The following SGCZ variants were observed in gnomAD, a reference collection of about 807,000 sequenced individuals.
The protein encoded by SGCZ is zeta-sarcoglycan.
In SGCZ, 40 loss-of-function variants were observed where a neutral mutation model predicts 41.3. The ratio of observed to expected loss-of-function variants is 0.97; its 90% CI spans 0.75 to 1.26. The LOEUF is 1.26. Ranked by LOEUF, SGCZ falls within the 50% of genes most tolerant of loss-of-function variation. The pLI is 0.00. For synonymous variants in SGCZ, 206 were observed against 137.5 expected, an observed-to-expected ratio of 1.50 and a Z score of -3.49; for missense variants, 552 against 369.8, an observed-to-expected ratio of 1.49 and a Z score of -4.04.
chr8:14,937,450 A>G (rs1470073882), intron 1 of SGCZ, among the ~76,000 whole-genome samples: 1 of 152,034 alleles, frequency 6.6e-6, no homozygotes, highest in Admixed American at 6.6e-5. Context: ...CAAGCCTCAA[A>G]TGATTCCAAT....
chr8:14,793,548 A>C (rs1801027473), intron 1 of SGCZ, among the ~76,000 whole-genome samples: 1 of 152,228 alleles, frequency 6.6e-6, no homozygotes, highest in African/African-American at 2.4e-5. Flanking sequence ...AATGCTTGAC[A>C]AAGCTGCTTC....
At chr8:14,424,572 AC>A (rs1799724936) in intron 2 of SGCZ, among the ~76,000 whole-genome samples, 1 of 152,266 alleles carries the variant, frequency 6.6e-6, no homozygotes, top group Admixed American at 6.5e-5. Flanking sequence ...TGTGTTTGGA[AC>A]TACTATATCA....
chr8:14,904,031 G>C (rs1046141729), intron 1 of SGCZ, among the ~76,000 whole-genome samples: 3 of 151,972 alleles, frequency 2.0e-5, no homozygotes, highest in South Asian at 4.1e-4. Flanking sequence ...AATTTTAAAA[G>C]TCAACTAAAG....
chr8:14,594,605 A>G (rs1160855272), intron 1 of SGCZ, among the ~76,000 whole-genome samples: 1 of 151,970 alleles, frequency 6.6e-6, no homozygotes, highest in Non-Finnish European at 1.5e-5. Context: ...ATGTTATTTG[A>G]TACTCTGGAT....
chr8:15,153,391 C>T (rs1046866164), intron 1 of SGCZ, among the ~76,000 whole-genome samples: 77 of 152,212 alleles, frequency 5.1e-4, no homozygotes, highest in African/African-American at 1.9e-3. Context: ...ATACAACTAA[C>T]TCCGTCACTT....
intron 1 of SGCZ, among the ~76,000 whole-genome samples, chr8:14,609,521 T>C (rs576339585): frequency 6.6e-6 from 1 of 152,200 alleles, no homozygotes; most frequent in African/African-American, 2.4e-5. Flanking sequence ...AAAATTTAAC[T>C]GAAGATAGAG....
At chr8:14,479,790 G>A (rs1801481879) in intron 2 of SGCZ, among the ~76,000 whole-genome samples, 1 of 133,568 alleles carries the variant, frequency 7.5e-6, no homozygotes, top group African/African-American at 2.9e-5. Context: ...CTCTTGCAGT[G>A]CTTGGAGTGC....
chr8:14,522,231 T>C (rs1325147527), intron 2 of SGCZ, among the ~76,000 whole-genome samples: 1 of 152,068 alleles, frequency 6.6e-6, no homozygotes, highest in African/African-American at 2.4e-5. Flanking sequence ...AGTTTTAGTT[T>C]TTGGCGCTGT....
At chr8:14,850,335 T>G (rs1489238681) in intron 1 of SGCZ, among the ~76,000 whole-genome samples, 1 of 152,092 alleles carries the variant, frequency 6.6e-6, no homozygotes, top group African/African-American at 2.4e-5. Context: ...TCTCAGGACT[T>G]TAAAGGAGAG....
chr8:14,908,193 A>C (rs1013474458), intron 1 of SGCZ, among the ~76,000 whole-genome samples: 6 of 152,196 alleles, frequency 3.9e-5, no homozygotes, highest in African/African-American at 1.4e-4. Flanking sequence ...TAATATTTTT[A>C]GGCATTATGG....
At chr8:14,853,564 A>G (rs570070515) in intron 1 of SGCZ, 9 of 503,000 alleles carry the variant, frequency 1.8e-5, no homozygotes, top group South Asian at 1.3e-4. Context: ...ACATAATCAA[A>G]CAATACACAT....
chr8:15,009,649 A>C (rs950880725), intron 1 of SGCZ, among the ~76,000 whole-genome samples: 1 of 152,174 alleles, frequency 6.6e-6, no homozygotes, highest in Non-Finnish European at 1.5e-5. Flanking sequence ...TGATATCGAG[A>C]ATAAGTCCTA....
intron 1 of SGCZ, among the ~76,000 whole-genome samples, chr8:14,927,099 A>AT (rs1563368643): frequency 3.1e-5 from 4 of 129,680 alleles, no homozygotes; most frequent in African/African-American, 1.2e-4. Flanking sequence ...AAAGTTCCTG[A>AT]TTCTTTTTTT....
intron 1 of SGCZ, among the ~76,000 whole-genome samples, chr8:14,906,776 C>G (rs1799131249): frequency 6.6e-6 from 1 of 152,130 alleles, no homozygotes; most frequent in South Asian, 2.1e-4. Flanking sequence ...GCTTACAGTC[C>G]TGATTAGCTC....
intron 3 of SGCZ, among the ~76,000 whole-genome samples, chr8:14,290,390 C>G (rs1332625712): frequency 6.6e-6 from 1 of 151,812 alleles, no homozygotes; most frequent in Non-Finnish European, 1.5e-5. Context: ...ATGCACAGAG[C>G]AAAGAGAAAA....
intron 2 of SGCZ, among the ~76,000 whole-genome samples, chr8:14,444,264 G>C (rs1490014530): frequency 1.3e-5 from 2 of 152,104 alleles, no homozygotes; most frequent in Admixed American, 1.3e-4. Flanking sequence ...CGATTCCTCA[G>C]GGATCTAGAA....
rs552270625 is a variant in SGCZ at position 14,865,942 on chromosome 8, C to G, written c.40-311016G>C. Among the ~76,000 whole-genome samples, 143 of 152,044 alleles carry G rather than the reference C, an allele frequency of 9.4e-4. 1 individual carries two copies. Among genetic ancestry groups the G allele is most frequent in the Non-Finnish European group, 1.7e-3 (114 of 68,002 alleles). On this transcript the variant is annotated intron_variant, in intron 1 of 7. Transcript: ENST00000382080. ...TTGGGGACCCCTTGTCATTAATTTG[C>G]CTCTATAAGGACCTAACTCTTAAGG...
chr8:14,797,398 G>T (rs1243118910), intron 1 of SGCZ, among the ~76,000 whole-genome samples: 1 of 152,150 alleles, frequency 6.6e-6, no homozygotes, highest in East Asian at 1.9e-4. Flanking sequence ...CACTTGTTCT[G>T]CTTCAGCAAA....
intron 1 of SGCZ, among the ~76,000 whole-genome samples, chr8:15,045,873 A>G (rs1227736822): frequency 6.6e-6 from 1 of 152,106 alleles, no homozygotes; most frequent in African/African-American, 2.4e-5. Flanking sequence ...GAAGAAAAGG[A>G]CCAAGAATAC....
Sources: allele counts gnomAD v4.1 joint callset (sites outside exome capture counted in the v4.1 genomes callset), GRCh38; gene constraint gnomAD v4.1.1; transcripts MANE v1.5; gene names NCBI Gene and HGNC (gene_info 2026-07-23, HGNC 2026-07-21).